EDNRA: variants seen among roughly 807,000 people sequenced by gnomAD.
EDNRA encodes the protein endothelin receptor type A.
Under a neutral mutation model 41.4 loss-of-function variants are expected in EDNRA, and 11 were observed. The ratio of observed to expected loss-of-function variants is 0.27; its 90% CI spans 0.17 to 0.44. The LOEUF (loss-of-function observed/expected upper bound fraction) is 0.44. Among genes scored for constraint, EDNRA ranks in the 20% least tolerant of loss-of-function variants. EDNRA has a pLI of 1.00. For missense variants in EDNRA, 294 were observed against 531.0 expected (o/e 0.55, Z 4.39); for synonymous variants, 172 against 183.0 (o/e 0.94, Z 0.49).
intron 3 of EDNRA, among the ~76,000 whole-genome samples, chr4:147,529,142 T>C (rs1027928955): frequency 1.6e-4 from 25 of 152,078 alleles, no homozygotes; most frequent in African/African-American, 5.6e-4. Flanking sequence ...TGCTGAAGGA[T>C]TGGATGTGTG....
In EDNRA at chr4:147,542,657, C is replaced by G; in HGVS notation, c.*39C>G. The G allele has an allele frequency of 1.3e-6, 2 of 1,590,928 alleles. No individual in the cohort carries two copies. Among genetic ancestry groups the G allele is most frequent in the East Asian group, 2.3e-5 (1 of 44,382 alleles). ...CACTCCTCGGTACTCCCATAATCCTCTCGGAGAAAAAAATCACAAGGCAAC... is the reference window on the plus strand; with the variant it reads ...CACTCCTCGGTACTCCCATAATCCTGTCGGAGAAAAAAATCACAAGGCAAC... On this transcript the variant is annotated 3_prime_UTR_variant, in exon 8 of 8. Coordinates refer to ENST00000651419, the MANE Select transcript of EDNRA (RefSeq NM_001957.4).
intron 2 of EDNRA, among the ~76,000 whole-genome samples, chr4:147,496,314 C>T (rs561945466): frequency 6.6e-6 from 1 of 152,242 alleles, no homozygotes; most frequent in East Asian, 1.9e-4. Context: ...AAAATGGTGT[C>T]ATTGATGTCA....
At chr4:147,498,047 A>C (rs568395187) in intron 2 of EDNRA, among the ~76,000 whole-genome samples, 17 of 152,320 alleles carry the variant, frequency 1.1e-4, no homozygotes, top group African/African-American at 3.9e-4. Flanking sequence ...CTAAAAGAAA[A>C]ATTTATCTTA....
At chr4:147,497,283 C>T (rs1184554687) in intron 2 of EDNRA, among the ~76,000 whole-genome samples, 2 of 151,216 alleles carry the variant, frequency 1.3e-5, no homozygotes, top group African/African-American at 2.4e-5. Context: ...AGGCATGAGC[C>T]ACCATGCCTG....
At chr4:147,509,794 G>A (rs879941880) in intron 2 of EDNRA, among the ~76,000 whole-genome samples, 3 of 152,106 alleles carry the variant, frequency 2.0e-5, no homozygotes, top group Middle Eastern at 3.4e-3. Context: ...CTAGTTGCAG[G>A]AAAACAAGCT....
chr4:147,504,079 C>CTGT (rs1235407586), intron 2 of EDNRA, among the ~76,000 whole-genome samples: 1 of 152,092 alleles, frequency 6.6e-6, no homozygotes, highest in Non-Finnish European at 1.5e-5. Flanking sequence ...CTTCTGCAAT[C>CTGT]TGTTGTACTA....
At chr4:147,485,183 C>CTTAAAGGAAAAACTGACATAGCCTACTAA (rs2126368185) in intron 1 of EDNRA, among the ~76,000 whole-genome samples, 1 of 152,236 alleles carries the variant, frequency 6.6e-6, no homozygotes, top group East Asian at 1.9e-4. Context: ...GTAACTACTA[C>CTTAAAGGAAAAACTGACATAGCCTACTAA]TTAAAGGAAA....
intron 3 of EDNRA, among the ~76,000 whole-genome samples, chr4:147,531,026 A>G (rs1200779851): frequency 6.6e-6 from 1 of 152,242 alleles, no homozygotes; most frequent in Non-Finnish European, 1.5e-5. Flanking sequence ...TAAGTCTAAA[A>G]GCAGTTAGCA....
chr4:147,542,794 C>T lies in EDNRA; in HGVS notation c.*176C>T, dbSNP rs1384016607. The T allele has an allele frequency of 2.9e-6, 2 of 690,686 alleles. No individual in the cohort carries two copies. The highest frequency in any genetic ancestry group is 2.4e-5 in the South Asian group (1 of 41,306). The allele number at this position is 690,686 out of a possible 1,614,324, so 42.8% of individuals were successfully genotyped here. On this transcript the variant is annotated 3_prime_UTR_variant, in exon 8 of 8. Coordinates refer to ENST00000651419, the MANE Select transcript of EDNRA (RefSeq NM_001957.4). ...AGACTGGTTTATCCACCCACAACAT[C>T]TACGAATCGTACTTCTTTAATTGAT...
At chr4:147,534,293 G>T (rs1730847416) in intron 4 of EDNRA, among the ~76,000 whole-genome samples, 1 of 152,226 alleles carries the variant, frequency 6.6e-6, no homozygotes, top group Non-Finnish European at 1.5e-5. Context: ...AAGAGAGAGA[G>T]AGTGCTTCTG....
chr4:147,501,839 TC>T (rs1294906821), intron 2 of EDNRA, among the ~76,000 whole-genome samples: 1 of 152,216 alleles, frequency 6.6e-6, no homozygotes, highest in African/African-American at 2.4e-5. Flanking sequence ...CATGTTTATA[TC>T]TGTGGGTACA....
chr4:147,494,281 A>G (rs1729233088), intron 2 of EDNRA: 1 of 152,256 alleles, frequency 6.6e-6, no homozygotes, highest in African/African-American at 2.4e-5. Flanking sequence ...GTAGAAGAGC[A>G]AGACAAAAAG....
At chr4:147,539,223 A>G (rs1026126737) in intron 5 of EDNRA, among the ~76,000 whole-genome samples, 1 of 151,852 alleles carries the variant, frequency 6.6e-6, no homozygotes, top group Non-Finnish European at 1.5e-5. Flanking sequence ...AGAGCAAAAA[A>G]TCCCAATAAT....
Position 147,519,985 on chromosome 4 carries a change from T to C in EDNRA, c.548+7T>C, listed in dbSNP as rs1730260719. 6.2e-7 allele frequency: 1 copy of C among 1,605,068 alleles called. No homozygotes were observed. Among genetic ancestry groups the C allele is most frequent in the Non-Finnish European group, 8.5e-7 (1 of 1,176,068 alleles). On this transcript the variant is annotated splice_region_variant and intron_variant, in intron 3 of 7. Transcript: ENST00000651419. The surrounding 1 kb of genome is among the most constrained non-coding windows in gnomAD (Gnocchi z 4.1). The stretch of plus-strand genomic sequence containing the variant: ...GCGCTCTTAGTGTTGACAGGTAATG[T>C]GGTTCTTTCCCTTTGCTCTTTGGCT...
intron 2 of EDNRA, among the ~76,000 whole-genome samples, chr4:147,502,427 C>G (rs1729547939): frequency 6.6e-6 from 1 of 152,130 alleles, no homozygotes; most frequent in Non-Finnish European, 1.5e-5. Flanking sequence ...GCCAGTTTTT[C>G]CCTGTCATTT....
intron 2 of EDNRA, chr4:147,495,052 A>T (rs563268866): frequency 6.6e-6 from 1 of 152,214 alleles, no homozygotes; most frequent in Non-Finnish European, 1.5e-5. Context: ...AATATTACCT[A>T]AAGTGTAGCG....
intron 1 of EDNRA, among the ~76,000 whole-genome samples, chr4:147,484,768 A>G (rs1728886896): frequency 6.6e-6 from 1 of 152,248 alleles, no homozygotes; most frequent in African/African-American, 2.4e-5. Context: ...AATTTCTGAG[A>G]AATGAAAAAG....
chr4:147,532,745 G>T, intron 4 of EDNRA, 41 bp downstream of exon 4: 1 of 1,590,374 alleles, frequency 6.3e-7, no homozygotes, highest in East Asian at 2.2e-5. Flanking sequence ...GAAGGGAGGA[G>T]GTCCTCCGTT....
chr4:147,509,522 G>A (rs1729846405), intron 2 of EDNRA, among the ~76,000 whole-genome samples: 1 of 152,170 alleles, frequency 6.6e-6, no homozygotes, highest in South Asian at 2.1e-4. Flanking sequence ...ACCAGTTCAT[G>A]GCCTGTTAGG....
Sources: gnomAD v4.1 joint callset for allele counts (sites outside exome capture counted in the v4.1 genomes callset) on GRCh38, gnomAD v4.1.1 for gene constraint, Gnocchi (gnomAD v3.1) non-coding constraint, MANE v1.5 for transcripts, NCBI Gene and HGNC (gene_info 2026-07-23, HGNC 2026-07-21) for gene names.